TMPRSS5: variants seen among roughly 807,000 people sequenced by gnomAD.
TMPRSS5 encodes transmembrane protease serine 5.
TMPRSS5 carries 45 observed loss-of-function variants against 59.7 expected under a neutral mutation model. That is an observed-to-expected ratio of 0.75 (90% confidence interval 0.59 to 0.97). The LOEUF is 0.97. Ranked by LOEUF, TMPRSS5 falls within the 50% of genes least tolerant of loss-of-function variation. The probability of loss-of-function intolerance (pLI) is 0.00; values close to 1 mark genes in which losing one functional copy is unlikely to be tolerated. For synonymous variants in TMPRSS5, 225 were observed against 232.0 expected, an observed-to-expected ratio of 0.97 and a Z score of 0.27; for missense variants, 585 against 596.7, an observed-to-expected ratio of 0.98 and a Z score of 0.20.
Position 113,690,888 on chromosome 11 carries a change from C to T in TMPRSS5, c.1016G>A (p.Gly339Asp). The change falls in exon 10 of 13, where the codon GGC becomes GAC. Residue 339 changes from glycine (G) to aspartate (D), a missense_variant. Coordinates refer to ENST00000299882, the MANE Select transcript of TMPRSS5 (RefSeq NM_030770.4). Reference protein sequence around the residue: ...LPAKEQHFPKGSRCWVSGWGH... With the variant: ...LPAKEQHFPKDSRCWVSGWGH... Reference sequence around the variant, plus strand: ...CCAGCCAGACACCCAGCACCGCGAGCCCTTCGGAAAATGCTGTTCCTTGGC... The same window carrying T: ...CCAGCCAGACACCCAGCACCGCGAGTCCTTCGGAAAATGCTGTTCCTTGGC... 6.3e-7 allele frequency: 1 copy of T among 1,598,088 alleles called. No individual in the cohort carries two copies. The highest frequency in any genetic ancestry group is 8.5e-7 in the Non-Finnish European group (1 of 1,172,950).
At position 113,697,110 on chromosome 11, in the gene TMPRSS5, A is replaced by G. The variant is rs1285532439; in HGVS notation, c.465-139T>C. Reference sequence around the variant, plus strand: ...CTTGTTAAAAAGCAGTAATACTCCAAACAGAGAAATGGGCTGGGGCACCAT... The same window carrying G: ...CTTGTTAAAAAGCAGTAATACTCCAGACAGAGAAATGGGCTGGGGCACCAT... On this transcript the variant is annotated intron_variant, in intron 5 of 12. Transcript: ENST00000299882. The G allele has an allele frequency of 3.3e-6, 4 of 1,226,666 alleles. No homozygotes were observed. The African/African-American group carries it at 6.0e-5, about 18-fold the overall frequency. The allele number at this position is 1,226,666 out of a possible 1,614,324, so 76.0% of individuals were successfully genotyped here.
intron 2 of TMPRSS5, 72 bp from the exon 3 acceptor site, chr11:113,699,765 C>T: frequency 6.7e-7 from 1 of 1,488,546 alleles, no homozygotes; most frequent in South Asian, 1.2e-5. Flanking sequence ...CCTAAGTCAC[C>T]ACTATGGGGC....
Position 113,694,498 on chromosome 11 carries a change from AG to A in TMPRSS5, c.764del (p.Thr255MetfsTer58). On this transcript the variant is annotated frameshift_variant, in exon 8 of 13. Coordinates refer to ENST00000299882, the MANE Select transcript of TMPRSS5 (RefSeq NM_030770.4). LOFTEE classifies it high-confidence loss of function. ...CTTGCCTGTGCATACAATGTGCAGC[AG>A]TCACCACCCAGCGTGGCGCTAGCAC... The part of the protein sequence containing the change: ...GSVLAPRWVV[T>X]AAHCMHSFRL... 6.4e-7 allele frequency: 1 copy of A among 1,567,770 alleles called. No homozygotes were observed. The highest frequency in any genetic ancestry group is 8.7e-7 in the Non-Finnish European group (1 of 1,155,678).
chr11:113,690,178 C>CCAA, intron 11 of TMPRSS5, 53 bp downstream of exon 11: 1 of 705,262 alleles, frequency 1.4e-6, no homozygotes, highest in Non-Finnish European at 2.4e-6. Context: ...GGCCCCCTGC[C>CCAA]CTCCCACCCC....
chr11:113,699,581 C>T lies in TMPRSS5; in HGVS notation c.205+14G>A, dbSNP rs1953063970. The stretch of plus-strand genomic sequence containing the variant: ...CAACCTCCCCCACACCAGAGAAAGG[C>T]CCCCAGCACTGACCTAGGAGCCATG... On this transcript the variant is annotated intron_variant, in intron 3 of 12. Transcript: ENST00000299882. The T allele has an allele frequency of 1.3e-6, 2 of 1,561,026 alleles. No individual in the cohort carries two copies. The highest frequency in any genetic ancestry group is 8.7e-7 in the Non-Finnish European group (1 of 1,152,576).
rs905617404 is a variant in TMPRSS5 at position 113,699,248 on chromosome 11, T to C, written c.206-221A>G. On this transcript the variant is annotated intron_variant, in intron 3 of 12. Transcript: ENST00000299882. ...CTCTCTCTCTCTCTCTCTCTCTCTC[T>C]CTCTCTCTCTCTCTCTCTCTCTCCC... Among the ~76,000 whole-genome samples the C allele has an allele frequency of 5.8e-3, 496 of 84,788 alleles. 34 individuals carry two copies. The highest frequency in any genetic ancestry group is 0.013 in the African/African-American group (197 of 14,748). The allele number at this position is 84,788 out of a possible 152,430, so 55.6% of individuals were successfully genotyped here.
chr11:113,688,931 C>T (rs1209966831), intron 12 of TMPRSS5, among the ~76,000 whole-genome samples: 5 of 152,238 alleles, frequency 3.3e-5, no homozygotes, highest in African/African-American at 7.2e-5. Flanking sequence ...GTGGCTTGCC[C>T]GGAGTCACAC....
intron 3 of TMPRSS5, among the ~76,000 whole-genome samples, 180 bp from the exon 4 acceptor site, chr11:113,699,207 GTCTGTC>G (rs1190696849): frequency 0.01 from 483 of 46,342 alleles, 90 homozygotes; most frequent in Admixed American, 0.028. Context: ...TCCTTTGTCT[GTCTGTC>G]TCTCTCTCTC....
At chr11:113,695,591 T>C (rs1159418403) in intron 6 of TMPRSS5, 148 bp from the exon 7 acceptor site, 2 of 776,352 alleles carry the variant, frequency 2.6e-6, no homozygotes, top group African/African-American at 3.4e-5. Context: ...AATACCACCA[T>C]TTCCTTCCTG....
At chr11:113,690,114 G>T in intron 11 of TMPRSS5, 117 bp downstream of exon 11, 1 of 1,394,380 alleles carries the variant, frequency 7.2e-7, no homozygotes, top group Non-Finnish European at 9.6e-7. Flanking sequence ...TTCTAGAGAG[G>T]CTGTCTCACA....
intron 12 of TMPRSS5, among the ~76,000 whole-genome samples, chr11:113,689,424 T>A (rs1275897532): frequency 2.0e-5 from 3 of 152,018 alleles, no homozygotes; most frequent in Middle Eastern, 3.2e-3. Context: ...ATTGTACGGG[T>A]CTTATTTAAT....
Position 113,688,205 on chromosome 11 carries a change from GC to G in TMPRSS5, c.*54del. 1.3e-6 allele frequency: 2 copies of G among 1,550,184 alleles called. No individual in the cohort carries two copies. Among genetic ancestry groups the G allele is most frequent in the Admixed American group, 2.0e-5 (1 of 49,172 alleles). On this transcript the variant is annotated 3_prime_UTR_variant, in exon 13 of 13. Coordinates refer to ENST00000299882, the MANE Select transcript of TMPRSS5 (RefSeq NM_030770.4). Reference sequence around the variant, plus strand: ...TCCTCCATTAGTGGAGCTGCTGGAGGCCCCAGGAAGCATGAGGCAGTGGTGT... The same window carrying G: ...TCCTCCATTAGTGGAGCTGCTGGAGGCCCAGGAAGCATGAGGCAGTGGTGT...
intron 6 of TMPRSS5, among the ~76,000 whole-genome samples, chr11:113,695,965 ACT>A (rs1382446261): frequency 5.4e-5 from 8 of 148,996 alleles, no homozygotes; most frequent in Admixed American, 5.3e-4. Context: ...TTTGACCAAA[ACT>A]CTCTTCTCTT....
At chr11:113,696,637 C>T (rs1164171351) in intron 6 of TMPRSS5, among the ~76,000 whole-genome samples, 1 of 152,156 alleles carries the variant, frequency 6.6e-6, no homozygotes, top group Non-Finnish European at 1.5e-5. Context: ...AATAACCAAC[C>T]CTACATTTCT....
chr11:113,698,834 GT>G (rs1387916064), intron 4 of TMPRSS5, 70 bp downstream of exon 4: 5 of 1,536,632 alleles, frequency 3.3e-6, no homozygotes, highest in African/African-American at 1.4e-5. Context: ...TTCAGTGTCG[GT>G]TCTCTTGCCC....
At chr11:113,696,632 C>T (rs746369546) in intron 6 of TMPRSS5, among the ~76,000 whole-genome samples, 1 of 152,178 alleles carries the variant, frequency 6.6e-6, no homozygotes, top group Non-Finnish European at 1.5e-5. Flanking sequence ...ACAATAATAA[C>T]CAACCCTACA....
chr11:113,706,171 A>C, intron 1 of TMPRSS5, 51 bp downstream of exon 1: 1 of 1,579,812 alleles, frequency 6.3e-7, no homozygotes. Context: ...AGGGAGAGAG[A>C]AAGAAAGAGA....
At position 113,698,892 on chromosome 11, in the gene TMPRSS5, G is replaced by T; in HGVS notation, c.328+13C>A. The stretch of plus-strand genomic sequence containing the variant: ...TGGGGAGGGAGGCCCGTAGCCTTAG[G>T]GGTGCAGCCCACCTGTTTTGGGAAG... On this transcript the variant is annotated intron_variant, in intron 4 of 12. Transcript: ENST00000299882. The T allele has an allele frequency of 6.3e-7, 1 of 1,580,222 alleles. No homozygotes were observed.
At chr11:113,691,188 G>A (rs1009408865) in intron 9 of TMPRSS5, among the ~76,000 whole-genome samples, 1 of 152,094 alleles carries the variant, frequency 6.6e-6, no homozygotes, top group Non-Finnish European at 1.5e-5. Context: ...GGGTGGACAG[G>A]ACCCATGCTG....
Sources: gnomAD v4.1 joint callset for allele counts (sites outside exome capture counted in the v4.1 genomes callset) on GRCh38, gnomAD v4.1.1 for gene constraint, MANE v1.5 for transcripts, NCBI Gene and HGNC (gene_info 2026-07-23, HGNC 2026-07-21) for gene names.